ABI2: variants seen among roughly 807,000 people sequenced by gnomAD.
The protein encoded by ABI2 is abelson interactor 2.
ABI2 carries 25 observed loss-of-function variants against 59.2 expected under a neutral mutation model. The ratio of observed to expected loss-of-function variants is 0.42; its 90% CI spans 0.31 to 0.59. ABI2 has a LOEUF of 0.59. Among genes scored for constraint, ABI2 ranks in the 20% least tolerant of loss-of-function variants. The pLI is 0.14. For missense variants in ABI2, 545 were observed against 681.8 expected (o/e 0.80, Z 2.23); for synonymous variants, 213 against 235.5 (o/e 0.90, Z 0.87).
At chr2:203,401,205 T>C (rs572024636) in intron 8 of ABI2, among the ~76,000 whole-genome samples, 4 of 152,094 alleles carry the variant, frequency 2.6e-5, no homozygotes, top group African/African-American at 9.6e-5. Flanking sequence ...GTTTTTTTTT[T>C]CCTTTTCACT....
chr2:203,365,346 G>A (rs921217274), intron 1 of ABI2, among the ~76,000 whole-genome samples: 1 of 151,990 alleles, frequency 6.6e-6, no homozygotes, highest in Non-Finnish European at 1.5e-5. Flanking sequence ...CTGCATTAAT[G>A]TACTATATGA....
Position 203,350,790 on chromosome 2 carries a change from G to A in ABI2, c.118-16087G>A, listed in dbSNP as rs149333221. Among the ~76,000 whole-genome samples, 262 of 151,636 alleles carry A rather than the reference G, an allele frequency of 1.7e-3. 11 individuals carry two copies. The East Asian group carries it at 0.049, about 28-fold the overall frequency. ...CCTGACCTCATGATCCACCCGCCTCGGCCTCCCAAAGTGCTGGGATTATAG... is the reference window on the plus strand; with the variant it reads ...CCTGACCTCATGATCCACCCGCCTCAGCCTCCCAAAGTGCTGGGATTATAG... On this transcript the variant is annotated intron_variant, in intron 1 of 11. Transcript: ENST00000261018.
chr2:203,388,555 C>T (rs1283782911), intron 4 of ABI2, among the ~76,000 whole-genome samples: 1 of 152,018 alleles, frequency 6.6e-6, no homozygotes. Context: ...TGGTGGTGCG[C>T]CTGTAATCCC....
chr2:203,372,392 A>G (rs1299211039), intron 2 of ABI2, among the ~76,000 whole-genome samples: 3 of 152,100 alleles, frequency 2.0e-5, no homozygotes, highest in African/African-American at 7.2e-5. Context: ...CCCCCTTTCT[A>G]TTCCACAAAA....
At chr2:203,356,054 TTC>T (rs948528596) in intron 1 of ABI2, among the ~76,000 whole-genome samples, 1 of 152,106 alleles carries the variant, frequency 6.6e-6, no homozygotes, top group Non-Finnish European at 1.5e-5. Flanking sequence ...ATAGTTTTTT[TTC>T]TCTCTCTCTG....
At chr2:203,404,919 G>T (rs1243215302) in intron 9 of ABI2, among the ~76,000 whole-genome samples, 1 of 152,152 alleles carries the variant, frequency 6.6e-6, no homozygotes, top group African/African-American at 2.4e-5. Flanking sequence ...TGAGAACTCT[G>T]TAGGTAGAAT....
Position 203,427,418 on chromosome 2 carries a change from G to A in ABI2, c.*66G>A, listed in dbSNP as rs2098449377. 3 of 1,413,700 alleles carry A rather than the reference G, an allele frequency of 2.1e-6. No homozygotes were observed. The South Asian group carries it at 4.1e-5, about 20-fold the overall frequency. 87.6% of individuals were successfully genotyped at this position (1,413,700 alleles called of 1,614,324 possible). On this transcript the variant is annotated 3_prime_UTR_variant, in exon 12 of 12. Transcript: ENST00000261018. ...TCTTCCCAGATTATCTGAAGGCCCT[G>A]GGGATTCCACTCCAGTAAAGTAGAA...
chr2:203,413,771 T>G (rs780475664), intron 10 of ABI2, among the ~76,000 whole-genome samples: 1 of 152,232 alleles, frequency 6.6e-6, no homozygotes, highest in Non-Finnish European at 1.5e-5. Context: ...GATAATTCTT[T>G]GGAATTATCT....
chr2:203,372,408 A>G (rs981893889), intron 2 of ABI2, among the ~76,000 whole-genome samples: 1 of 152,084 alleles, frequency 6.6e-6, no homozygotes, highest in Non-Finnish European at 1.5e-5. Flanking sequence ...CAAAACCGCC[A>G]TTGTCATCCC....
intron 4 of ABI2, among the ~76,000 whole-genome samples, chr2:203,385,134 A>C (rs2096424081): frequency 2.9e-5 from 1 of 34,694 alleles, no homozygotes; most frequent in Admixed American, 3.6e-4. Context: ...CACCCGGCTC[A>C]GATTCTTTTT....
At chr2:203,332,349 G>A (rs1575499714) in intron 1 of ABI2, among the ~76,000 whole-genome samples, 2 of 151,984 alleles carry the variant, frequency 1.3e-5, no homozygotes, top group East Asian at 1.9e-4. Flanking sequence ...CACCTAGGCC[G>A]GGCACGGTGG....
At position 203,382,194 on chromosome 2, in the gene ABI2, G is replaced by T; in HGVS notation, c.468G>T (p.Leu156Phe). The T allele has an allele frequency of 6.5e-7, 1 of 1,527,126 alleles. No homozygotes were observed. Among genetic ancestry groups the T allele is most frequent in the Non-Finnish European group, 8.7e-7 (1 of 1,142,872 alleles). 94.6% of individuals were successfully genotyped at this position (1,527,126 alleles called of 1,614,324 possible). The part of the protein sequence containing the change: ...LDDIGHGVKW[L>F]LRFKVSTQNM... ...TGCTCCATTTATGCATTAAGTGGTT[G>T]CTTAGATTTAAGGTAAGAGATTCCA... Residue 156 changes from leucine (L) to phenylalanine (F), a missense_variant, in exon 4 of 12, where the codon TTG becomes TTT. Leu to Phe is a conservative substitution (Grantham distance 22, BLOSUM62 0). Transcript: ENST00000261018.
At chr2:203,344,732 A>G (rs1421673333) in intron 1 of ABI2, among the ~76,000 whole-genome samples, 1 of 151,988 alleles carries the variant, frequency 6.6e-6, no homozygotes, top group Non-Finnish European at 1.5e-5. Flanking sequence ...CTCTGTGTCT[A>G]GCTAAAGGTT....
intron 11 of ABI2, 49 bp downstream of exon 11, chr2:203,417,130 G>T: frequency 6.8e-7 from 1 of 1,466,988 alleles, no homozygotes; most frequent in African/African-American, 1.4e-5. Context: ...CCTCTACATA[G>T]AAATGAAATT....
chr2:203,330,270 G>C (rs2072208707), intron 1 of ABI2, among the ~76,000 whole-genome samples: 1 of 151,770 alleles, frequency 6.6e-6, no homozygotes, highest in Non-Finnish European at 1.5e-5. Context: ...ACTAGGAAAG[G>C]AATGTAGGCA....
intron 11 of ABI2, among the ~76,000 whole-genome samples, chr2:203,424,020 A>G (rs2098332631): frequency 6.6e-6 from 1 of 152,218 alleles, no homozygotes; most frequent in Non-Finnish European, 1.5e-5. Context: ...CCAGATGTCT[A>G]GCATTTTAAG....
intron 11 of ABI2, among the ~76,000 whole-genome samples, chr2:203,418,772 G>A (rs1410507571): frequency 6.6e-6 from 1 of 152,168 alleles, no homozygotes; most frequent in Non-Finnish European, 1.5e-5. Context: ...ATACTATGAG[G>A]CAGAAATCAT....
chr2:203,398,139 T>G (rs1378890426), intron 8 of ABI2, among the ~76,000 whole-genome samples: 1 of 152,248 alleles, frequency 6.6e-6, no homozygotes, highest in Non-Finnish European at 1.5e-5. Flanking sequence ...AAAGACACTT[T>G]TAGCCAAAAT....
Position 203,428,045 on chromosome 2 carries a change from G to A in ABI2, c.*693G>A, listed in dbSNP as rs998763172. The A allele has an allele frequency of 2.6e-5, 4 of 152,162 alleles. No individual in the cohort carries two copies. The highest frequency in any genetic ancestry group is 6.5e-5 in the Admixed American group (1 of 15,270). The allele number at this position is 152,162 out of a possible 1,614,324, so 9.4% of individuals were successfully genotyped here. A position where few individuals can be genotyped will look rare whatever the true frequency, so the allele number is the denominator to read the frequency against. On this transcript the variant is annotated 3_prime_UTR_variant, in exon 12 of 12. Coordinates refer to ENST00000261018, the MANE Select transcript of ABI2 (RefSeq NM_001375670.1). ...TGAGGGTGGTGAACGATTGCCACCC[G>A]TTTGATTTTAATGTGCTGCTGCATG...
Sources: allele counts gnomAD v4.1 joint callset (sites outside exome capture counted in the v4.1 genomes callset), GRCh38; gene constraint gnomAD v4.1.1; transcripts MANE v1.5; gene names NCBI Gene and HGNC (gene_info 2026-07-23, HGNC 2026-07-21).